Variants in CADM2 observed in about 807,000 individuals in gnomAD.
CADM2 encodes the protein immunoglobulin superfamily member 4D.
In CADM2, 12 loss-of-function variants were observed where a neutral mutation model predicts 49.8. The observed-to-expected ratio is 0.24, with a 90% CI of 0.15 to 0.39. CADM2 has a LOEUF of 0.39. Ranked by LOEUF, CADM2 falls within the 10% of genes least tolerant of loss-of-function variation. CADM2 has a pLI of 1.00. For synonymous variants in CADM2, 214 were observed against 175.4 expected (o/e 1.22, Z -1.74); for missense variants, 378 against 492.3 (o/e 0.77, Z 2.20).
At chr3:85,801,874 T>C (rs2072065713) in intron 2 of CADM2, among the ~76,000 whole-genome samples, 173 bp from the exon 3 acceptor site, 1 of 152,214 alleles carries the variant, frequency 6.6e-6, no homozygotes. Flanking sequence ...GTCAATGCTG[T>C]TGTTCTCTGA....
chr3:86,013,136 T>C (rs1731765027), intron 8 of CADM2: 5 of 1,338,316 alleles, frequency 3.7e-6, no homozygotes, highest in Admixed American at 1.7e-5. Flanking sequence ...ACCACGTAAG[T>C]AGACACAGAA....
intron 1 of CADM2, among the ~76,000 whole-genome samples, chr3:84,982,723 A>ACG (rs2032267385): frequency 7.2e-6 from 1 of 138,524 alleles, no homozygotes; most frequent in Non-Finnish European, 1.6e-5. Context: ...ATATATATAT[A>ACG]TATATATATA....
At chr3:86,040,346 A>T (rs1315617935) in intron 8 of CADM2, among the ~76,000 whole-genome samples, 2 of 152,196 alleles carry the variant, frequency 1.3e-5, no homozygotes, top group Non-Finnish European at 2.9e-5. Flanking sequence ...AAAAAATTAG[A>T]TGAATGGCTA....
chr3:85,244,183 C>T (rs2042596391), intron 1 of CADM2, among the ~76,000 whole-genome samples: 1 of 152,030 alleles, frequency 6.6e-6, no homozygotes. Flanking sequence ...GGGTACATGG[C>T]TAATCATGCT....
intron 1 of CADM2, among the ~76,000 whole-genome samples, chr3:85,224,452 A>AT (rs1278568884): frequency 1.3e-5 from 2 of 151,574 alleles, no homozygotes; most frequent in Non-Finnish European, 2.9e-5. Flanking sequence ...GCATTGTTTG[A>AT]TTTTTTCCTT....
chr3:85,541,096 A>T (rs548033337), intron 1 of CADM2, among the ~76,000 whole-genome samples: 22 of 151,478 alleles, frequency 1.5e-4, no homozygotes, highest in African/African-American at 5.1e-4. Flanking sequence ...TAAAATTATT[A>T]TAATAAAATA....
chr3:85,890,473 G>T (rs1477901697), intron 5 of CADM2, among the ~76,000 whole-genome samples: 1 of 152,088 alleles, frequency 6.6e-6, no homozygotes, highest in Non-Finnish European at 1.5e-5. Flanking sequence ...AGAAAAGCTG[G>T]TAATTTGCAT....
intron 1 of CADM2, among the ~76,000 whole-genome samples, chr3:85,399,536 G>T (rs896883051): frequency 6.6e-6 from 1 of 152,094 alleles, no homozygotes; most frequent in Admixed American, 6.6e-5. Context: ...AGCTTGATGG[G>T]GATGGCATTG....
At chr3:85,221,133 A>T (rs977298188) in intron 1 of CADM2, among the ~76,000 whole-genome samples, 1 of 152,194 alleles carries the variant, frequency 6.6e-6, no homozygotes, top group Non-Finnish European at 1.5e-5. Flanking sequence ...CTTCCTCGTT[A>T]TAAACGATAC....
At chr3:85,525,339 C>T (rs2106920836) in intron 1 of CADM2, among the ~76,000 whole-genome samples, 1 of 152,230 alleles carries the variant, frequency 6.6e-6, no homozygotes, top group South Asian at 2.1e-4. Context: ...AGGTTATTTT[C>T]AACTAAAGCC....
chr3:85,616,906 T>C (rs890169904), intron 1 of CADM2, among the ~76,000 whole-genome samples: 11 of 152,090 alleles, frequency 7.2e-5, no homozygotes, highest in African/African-American at 2.7e-4. Flanking sequence ...CAAACTTGGC[T>C]AAGAAACAAA....
intron 3 of CADM2, among the ~76,000 whole-genome samples, chr3:85,857,504 G>A (rs943700025): frequency 7.1e-4 from 97 of 136,082 alleles, no homozygotes; most frequent in Non-Finnish European, 2.6e-4. Context: ...TAGAGATAGA[G>A]TCTCACTCTG....
intron 1 of CADM2, among the ~76,000 whole-genome samples, chr3:85,101,111 G>A (rs2037994821): frequency 6.6e-6 from 1 of 151,972 alleles, no homozygotes; most frequent in Non-Finnish European, 1.5e-5. Flanking sequence ...AAAATTAGCT[G>A]GGTGTGCTGG....
At chr3:85,375,174 CA>C (rs1016646807) in intron 1 of CADM2, among the ~76,000 whole-genome samples, 3 of 152,136 alleles carry the variant, frequency 2.0e-5, no homozygotes, top group African/African-American at 7.2e-5. Context: ...AAGGTAATAA[CA>C]GGTATATTAT....
intron 3 of CADM2, among the ~76,000 whole-genome samples, chr3:85,877,511 C>G (rs1712059236): frequency 6.6e-6 from 1 of 151,898 alleles, no homozygotes; most frequent in Non-Finnish European, 1.5e-5. Flanking sequence ...TAACTACGGC[C>G]TTTTGTGTTT....
At chr3:85,016,785 T>A (rs556876648) in intron 1 of CADM2, among the ~76,000 whole-genome samples, 1 of 147,386 alleles carries the variant, frequency 6.8e-6, no homozygotes, top group Admixed American at 6.8e-5. Context: ...AGAGCAAGTC[T>A]CCATCTAAAA....
At chr3:86,047,696 CTA>C (rs1736837665) in intron 8 of CADM2, among the ~76,000 whole-genome samples, 1 of 152,138 alleles carries the variant, frequency 6.6e-6, no homozygotes, top group Non-Finnish European at 1.5e-5. Flanking sequence ...TGGCTCCCTC[CTA>C]TGAGTGGTGT....
intron 1 of CADM2, among the ~76,000 whole-genome samples, chr3:85,622,280 TATC>T (rs1317823077): frequency 6.6e-6 from 1 of 152,182 alleles, no homozygotes; most frequent in African/African-American, 2.4e-5. Context: ...ACAAAGCTTC[TATC>T]TAGTGTTTCC....
rs112461564 is a variant in CADM2, at chr3:85,112,556, T to C, written c.61+152888T>C. Reference sequence around the variant, plus strand: ...GATTTCACCCCGTATAAAGTTGACCTACAATTCTTACATCCTTGCAAACAT... The same window carrying C: ...GATTTCACCCCGTATAAAGTTGACCCACAATTCTTACATCCTTGCAAACAT... On this transcript the variant is annotated intron_variant, in intron 1 of 9. Coordinates refer to ENST00000383699, the MANE Select transcript of CADM2 (RefSeq NM_001167675.2). 6.8e-3 allele frequency among the ~76,000 whole-genome samples: 1,040 copies of C among 152,008 alleles called. 7 individuals are homozygous for C. The highest frequency in any genetic ancestry group is 0.023 in the African/African-American group (950 of 41,536).
Sources: allele counts gnomAD v4.1 joint callset (sites outside exome capture counted in the v4.1 genomes callset), GRCh38; gene constraint gnomAD v4.1.1; transcripts MANE v1.5; gene names NCBI Gene and HGNC (gene_info 2026-07-23, HGNC 2026-07-21).